The following AFG2A variants were observed in gnomAD, a reference collection of about 807,000 sequenced individuals.
AFG2A encodes ATPase family gene 2 protein homolog A.
At chr4:123,022,997 G>C in the AFG2A span, among the ~76,000 whole-genome samples, 1 of 146,886 alleles carries the variant, frequency 6.8e-6, no homozygotes, top group East Asian at 2.0e-4. Context: ...AGAACACATG[G>C]ACACAGGAAG....
chr4:122,925,039 C>CT, the AFG2A span, among the ~76,000 whole-genome samples: 1 of 152,126 alleles, frequency 6.6e-6, no homozygotes, highest in East Asian at 1.9e-4. Flanking sequence ...TACTTCAGGA[C>CT]TAACTTCATG....
the AFG2A span, among the ~76,000 whole-genome samples, chr4:123,251,121 A>T: frequency 6.6e-6 from 1 of 152,170 alleles, no homozygotes; most frequent in African/African-American, 2.4e-5. Context: ...GCACACACAG[A>T]TGTATGCTGA....
the AFG2A span, among the ~76,000 whole-genome samples, chr4:123,159,489 G>C: frequency 4.6e-5 from 7 of 152,252 alleles, no homozygotes; most frequent in East Asian, 7.7e-4. Flanking sequence ...ATTAAACTAT[G>C]ATATGCATTG....
the AFG2A span, among the ~76,000 whole-genome samples, chr4:123,198,809 G>A: frequency 6.6e-6 from 1 of 152,054 alleles, no homozygotes; most frequent in Non-Finnish European, 1.5e-5. Flanking sequence ...TCTGTTACTC[G>A]TTATATAATG....
the AFG2A span, among the ~76,000 whole-genome samples, chr4:123,184,323 A>T: frequency 7.5e-3 from 1,143 of 152,242 alleles, 10 homozygotes; most frequent in African/African-American, 0.025. Flanking sequence ...GAGATCTTTT[A>T]AAAATATTTT....
the AFG2A span, among the ~76,000 whole-genome samples, chr4:123,186,908 A>G: frequency 6.6e-6 from 1 of 152,152 alleles, no homozygotes; most frequent in East Asian, 1.9e-4. Context: ...CAAAGCTCTA[A>G]TGAATGCCAC....
the AFG2A span, among the ~76,000 whole-genome samples, chr4:123,023,329 T>G: frequency 6.6e-6 from 1 of 152,116 alleles, no homozygotes; most frequent in Admixed American, 6.5e-5. Context: ...TATACTTGTG[T>G]AACAAACTGC....
At chr4:123,063,195 C>G in the AFG2A span, among the ~76,000 whole-genome samples, 1 of 152,042 alleles carries the variant, frequency 6.6e-6, no homozygotes, top group African/African-American at 2.4e-5. Context: ...GAATTGAACA[C>G]AATGGAAACT....
the AFG2A span, among the ~76,000 whole-genome samples, chr4:123,068,151 A>G: frequency 1.3e-5 from 2 of 152,172 alleles, no homozygotes; most frequent in African/African-American, 4.8e-5. Context: ...TCATTTCATT[A>G]TGTTAGTGAT....
At chr4:122,942,852 T>A in the AFG2A span, among the ~76,000 whole-genome samples, 2 of 151,512 alleles carry the variant, frequency 1.3e-5, no homozygotes, top group African/African-American at 4.9e-5. Flanking sequence ...TCTCGTTGGT[T>A]TCAAAGAACA....
the AFG2A span, among the ~76,000 whole-genome samples, chr4:123,287,385 G>A: frequency 2.8e-4 from 42 of 152,298 alleles, no homozygotes; most frequent in African/African-American, 8.9e-4. Flanking sequence ...CACACAAATT[G>A]TGTGGTTCTG....
At chr4:123,127,669 G>A in the AFG2A span, among the ~76,000 whole-genome samples, 56 of 152,214 alleles carry the variant, frequency 3.7e-4, no homozygotes, top group East Asian at 6.2e-3. Flanking sequence ...TGCCTCAGAA[G>A]CAGTATTTCT....
At chr4:123,242,580 C>G in the AFG2A span, among the ~76,000 whole-genome samples, 1 of 152,266 alleles carries the variant, frequency 6.6e-6, no homozygotes, top group Admixed American at 6.5e-5. Context: ...CTTCCTTACA[C>G]CTTATACAAA....
At chr4:122,947,444 A>C in the AFG2A span, 20 of 1,614,044 alleles carry the variant, frequency 1.2e-5, no homozygotes, top group African/African-American at 2.5e-4. Flanking sequence ...AATAGTGCTC[A>C]TGGATACGTT....
chr4:123,144,987 A>G, the AFG2A span, among the ~76,000 whole-genome samples: 2 of 152,048 alleles, frequency 1.3e-5, no homozygotes, highest in Admixed American at 1.3e-4. Flanking sequence ...TCTTTAGAAC[A>G]TACAGGCTAG....
the AFG2A span, among the ~76,000 whole-genome samples, chr4:122,991,197 A>G: frequency 6.6e-6 from 1 of 152,134 alleles, no homozygotes; most frequent in Non-Finnish European, 1.5e-5. Flanking sequence ...TGATAAAAGA[A>G]ATGGAATCAG....
At chr4:123,231,475 G>C in the AFG2A span, among the ~76,000 whole-genome samples, 23 of 151,900 alleles carry the variant, frequency 1.5e-4, no homozygotes, top group African/African-American at 5.6e-4. Flanking sequence ...TTGGCTTCAA[G>C]GAATGTTGTG....
At chr4:123,313,299 C>T in the AFG2A span, among the ~76,000 whole-genome samples, 1 of 152,278 alleles carries the variant, frequency 6.6e-6, no homozygotes, top group South Asian at 2.1e-4. Flanking sequence ...TAATGCAGCT[C>T]TCCAAAGTAA....
At chr4:123,138,348 T>C in the AFG2A span, among the ~76,000 whole-genome samples, 1 of 151,924 alleles carries the variant, frequency 6.6e-6, no homozygotes, top group East Asian at 1.9e-4. Context: ...TTACTTAAGA[T>C]AATAGTTATG....
Sources: allele counts gnomAD v4.1 joint callset (sites outside exome capture counted in the v4.1 genomes callset), GRCh38; gene constraint gnomAD v4.1.1; transcripts MANE v1.5; gene names NCBI Gene and HGNC (gene_info 2026-07-23, HGNC 2026-07-21).